OPCML: variants seen among roughly 807,000 people sequenced by gnomAD.
OPCML encodes opioid binding protein/cell adhesion molecule like, also known as opioid-binding protein/cell adhesion molecule.
In OPCML, 13 loss-of-function variants were observed where a neutral mutation model predicts 37.8. The ratio of observed to expected loss-of-function variants is 0.34; its 90% CI spans 0.22 to 0.55. The LOEUF is 0.55. Among genes scored for constraint, OPCML ranks in the 20% least tolerant of loss-of-function variants. The probability of loss-of-function intolerance (pLI) is 0.91; values close to 1 mark genes in which losing one functional copy is unlikely to be tolerated. For missense variants in OPCML, 341 were observed against 435.6 expected, an observed-to-expected ratio of 0.78 and a Z score of 1.93; for synonymous variants, 176 against 168.8, an observed-to-expected ratio of 1.04 and a Z score of -0.33.
chr11:132,906,698 G>A (rs560073307), intron 2 of OPCML, among the ~76,000 whole-genome samples: 4 of 152,272 alleles, frequency 2.6e-5, no homozygotes, highest in Admixed American at 2.0e-4. Context: ...CTTGTTACGG[G>A]GCTGGAAAAA....
chr11:133,361,075 C>G (rs1488557295), intron 1 of OPCML: 1 of 152,426 alleles, frequency 6.6e-6, no homozygotes, highest in South Asian at 2.1e-4. Flanking sequence ...GGGTCCCCAG[C>G]CCCAAGGGAC....
At chr11:132,686,540 T>C (rs1409636203) in intron 2 of OPCML, among the ~76,000 whole-genome samples, 1 of 152,184 alleles carries the variant, frequency 6.6e-6, no homozygotes, top group African/African-American at 2.4e-5. Context: ...ACATCGTGCC[T>C]CTTATGCAAA....
chr11:132,996,350 T>C (rs904416919), intron 1 of OPCML, among the ~76,000 whole-genome samples: 2 of 151,758 alleles, frequency 1.3e-5, no homozygotes, highest in African/African-American at 4.9e-5. Context: ...CTGGGTACAG[T>C]GGCTCATGCC....
chr11:132,745,913 C>G (rs1945618838), intron 2 of OPCML, among the ~76,000 whole-genome samples: 1 of 152,136 alleles, frequency 6.6e-6, no homozygotes, highest in African/African-American at 2.4e-5. Context: ...AAGAGATGGG[C>G]CTGCATAGCG....
intron 2 of OPCML, among the ~76,000 whole-genome samples, chr11:132,676,122 T>A (rs1942691593): frequency 6.6e-6 from 1 of 152,182 alleles, no homozygotes; most frequent in Non-Finnish European, 1.5e-5. Context: ...AATTGAGAAT[T>A]CAGAAATAAA....
intron 1 of OPCML, among the ~76,000 whole-genome samples, chr11:133,070,534 A>G (rs922723018): frequency 6.6e-6 from 1 of 152,144 alleles, no homozygotes; most frequent in Non-Finnish European, 1.5e-5. Context: ...GACGAAGGGG[A>G]CTGGCTACAA....
At chr11:133,519,333 G>A (rs1313207192) in intron 1 of OPCML, among the ~76,000 whole-genome samples, 1 of 152,138 alleles carries the variant, frequency 6.6e-6, no homozygotes, top group Non-Finnish European at 1.5e-5. Context: ...ATATTTTTAT[G>A]CATTAATTTA....
chr11:132,577,854 T>A (rs2096454247), intron 3 of OPCML, among the ~76,000 whole-genome samples: 2 of 152,138 alleles, frequency 1.3e-5, no homozygotes, highest in Admixed American at 1.3e-4. Context: ...GGAGTTTAAG[T>A]CTTAACTATT....
At chr11:133,500,087 G>A (rs1399754633) in intron 1 of OPCML, among the ~76,000 whole-genome samples, 1 of 151,884 alleles carries the variant, frequency 6.6e-6, no homozygotes, top group African/African-American at 2.4e-5. Flanking sequence ...GGCCAGGCTG[G>A]TCTTGAACTC....
At chr11:133,175,790 G>A (rs1005127709) in intron 1 of OPCML, among the ~76,000 whole-genome samples, 3 of 152,038 alleles carry the variant, frequency 2.0e-5, no homozygotes, top group Admixed American at 6.6e-5. Flanking sequence ...ATCTCCCTTC[G>A]CAGCTGAGTG....
At chr11:133,435,957 T>C (rs1424513574) in intron 1 of OPCML, among the ~76,000 whole-genome samples, 1 of 152,212 alleles carries the variant, frequency 6.6e-6, no homozygotes, top group East Asian at 1.9e-4. Context: ...ATAGTTCCTT[T>C]AAAAATTTTT....
chr11:133,438,277 A>C (rs1946287502), intron 1 of OPCML, among the ~76,000 whole-genome samples: 1 of 152,186 alleles, frequency 6.6e-6, no homozygotes, highest in African/African-American at 2.4e-5. Flanking sequence ...TAAAAATATA[A>C]GTGTAACCAC....
At chr11:132,655,426 G>T (rs985826397) in intron 3 of OPCML, among the ~76,000 whole-genome samples, 2 of 152,216 alleles carry the variant, frequency 1.3e-5, no homozygotes, top group Admixed American at 1.3e-4. Flanking sequence ...CTCACCAAGT[G>T]CCTCTGTCGT....
chr11:132,471,054 G>A (rs569004808), intron 4 of OPCML, among the ~76,000 whole-genome samples: 1 of 152,276 alleles, frequency 6.6e-6, no homozygotes, highest in East Asian at 1.9e-4. Context: ...AAAGTGGTTC[G>A]AAAAGAAGCT....
At chr11:132,575,878 C>A (rs1008872872) in intron 3 of OPCML, among the ~76,000 whole-genome samples, 1 of 151,888 alleles carries the variant, frequency 6.6e-6, no homozygotes, top group Admixed American at 6.6e-5. Flanking sequence ...TCTTTTTTGT[C>A]TTCTATTTTT....
chr11:132,763,374 A>G (rs572297369), intron 2 of OPCML, among the ~76,000 whole-genome samples: 1 of 152,360 alleles, frequency 6.6e-6, no homozygotes, highest in East Asian at 1.9e-4. Context: ...AATATATTAC[A>G]GGAGGAATTT....
chr11:132,736,020 T>C (rs1945244424), intron 2 of OPCML, among the ~76,000 whole-genome samples: 1 of 152,216 alleles, frequency 6.6e-6, no homozygotes, highest in South Asian at 2.1e-4. Context: ...CCAGGCCTTG[T>C]GTCTGAATCA....
In OPCML at chr11:133,135,350, C is replaced by T. The variant is rs140098466; in HGVS notation, c.62-192340G>A. Among the ~76,000 whole-genome samples, 662 of 152,050 alleles carry T rather than the reference C, an allele frequency of 4.4e-3. 2 individuals are homozygous for T. The highest frequency in any genetic ancestry group is 0.01 in the Middle Eastern group (3 of 286). On this transcript the variant is annotated intron_variant, in intron 1 of 7. Coordinates refer to ENST00000524381, the MANE Select transcript of OPCML (RefSeq NM_001012393.5). ...TCTACCAGAATCACACCCTTTGACT[C>T]CTGTTTCTGTCCTGTTTCTCCTTCA...
intron 1 of OPCML, among the ~76,000 whole-genome samples, chr11:133,213,281 C>T (rs1019505554): frequency 9.5e-5 from 13 of 137,532 alleles, no homozygotes; most frequent in African/African-American, 1.9e-4. Context: ...CTAAAGAAAA[C>T]GTCCTAGAGT....
Sources: gnomAD v4.1 joint callset for allele counts (sites outside exome capture counted in the v4.1 genomes callset) on GRCh38, gnomAD v4.1.1 for gene constraint, MANE v1.5 for transcripts, NCBI Gene and HGNC (gene_info 2026-07-23, HGNC 2026-07-21) for gene names.